AQP11: variants seen among roughly 807,000 people sequenced by gnomAD.
The protein encoded by AQP11 is aquaporin-11.
In AQP11, 20 loss-of-function variants were observed where a neutral mutation model predicts 21.1. That is an observed-to-expected ratio of 0.95 (90% confidence interval 0.67 to 1.38). AQP11 has a LOEUF of 1.38. Ranked by LOEUF, AQP11 falls within the 40% of genes most tolerant of loss-of-function variation. AQP11 has a pLI of 0.00. For synonymous variants in AQP11, 167 were observed against 150.1 expected (o/e 1.11, Z -0.82); for missense variants, 339 against 340.4 (o/e 1.00, Z 0.03).
intron 1 of AQP11, among the ~76,000 whole-genome samples, chr11:77,593,237 T>C (rs1387339733): frequency 6.8e-6 from 1 of 147,782 alleles, no homozygotes; most frequent in Non-Finnish European, 1.5e-5. Flanking sequence ...CTTCCCTTTG[T>C]TTGTTTTCTG....
intron 1 of AQP11, among the ~76,000 whole-genome samples, chr11:77,596,532 ATG>A (rs1265295313): frequency 3.6e-4 from 42 of 115,788 alleles, no homozygotes; most frequent in African/African-American, 1.4e-3. Context: ...GTAAATATAT[ATG>A]TAAATATATA....
Position 77,603,616 on chromosome 11 carries a change from G to A in AQP11, c.680G>A (p.Cys227Tyr), listed in dbSNP as rs1354873470. ...TTGGCACTTTCGCTACATTTCATGT[G>A]TTTTGATGAAGCATTCCCTCAGTTT... is the stretch of plus-strand genomic sequence containing the variant. ...PALALSLHFM[C>Y]FDEAFPQFFI... Residue 227 changes from cysteine (C) to tyrosine (Y), a missense_variant, in exon 2 of 3, where the codon TGT becomes TAT. Coordinates refer to ENST00000313578, the MANE Select transcript of AQP11 (RefSeq NM_173039.3). 1 of 1,609,336 alleles carries A rather than the reference G, an allele frequency of 6.2e-7. No individual in the cohort carries two copies. The highest frequency in any genetic ancestry group is 8.5e-7 in the Non-Finnish European group (1 of 1,178,168).
intron 2 of AQP11, among the ~76,000 whole-genome samples, chr11:77,607,592 A>G (rs1434519001): frequency 6.6e-6 from 1 of 152,108 alleles, no homozygotes. Context: ...AAATTTAGAA[A>G]TGTGACTATA....
intron 1 of AQP11, among the ~76,000 whole-genome samples, chr11:77,592,357 T>C (rs1958754126): frequency 6.6e-6 from 1 of 152,220 alleles, no homozygotes; most frequent in Non-Finnish European, 1.5e-5. Context: ...ATTGAAGTTT[T>C]AGATTTTAGC....
At chr11:77,607,534 G>A (rs1302254253) in intron 2 of AQP11, among the ~76,000 whole-genome samples, 2 of 152,060 alleles carry the variant, frequency 1.3e-5, no homozygotes, top group African/African-American at 4.8e-5. Flanking sequence ...CATCACAGCA[G>A]AGATAATTAT....
chr11:77,596,297 C>G (rs901856614), intron 1 of AQP11, among the ~76,000 whole-genome samples: 1 of 150,242 alleles, frequency 6.7e-6, no homozygotes, highest in Non-Finnish European at 1.5e-5. Flanking sequence ...AAAAATGAGC[C>G]TGGCATGGTG....
At chr11:77,600,189 G>A (rs1011884923) in intron 1 of AQP11, among the ~76,000 whole-genome samples, 7 of 150,374 alleles carry the variant, frequency 4.7e-5, no homozygotes, top group African/African-American at 1.5e-4. Flanking sequence ...GGCTGGTTGC[G>A]AACTCCTGAG....
At chr11:77,596,459 T>TATATATATGTAA (rs60912751) in intron 1 of AQP11, among the ~76,000 whole-genome samples, 14,002 of 128,906 alleles carry the variant, frequency 0.11, 1,001 homozygotes, top group East Asian at 0.15. Flanking sequence ...AAAAAAAATA[T>TATATATATGTAA]ATATATATAT....
intron 1 of AQP11, among the ~76,000 whole-genome samples, chr11:77,593,271 T>C (rs1958759217): frequency 6.6e-6 from 1 of 152,232 alleles, no homozygotes; most frequent in Non-Finnish European, 1.5e-5. Context: ...GATAAGAATA[T>C]TCAGTTGTCA....
At chr11:77,608,220 G>A (rs1958857649) in intron 2 of AQP11, among the ~76,000 whole-genome samples, 1 of 152,178 alleles carries the variant, frequency 6.6e-6, no homozygotes, top group African/African-American at 2.4e-5. Context: ...TTGAGCCCTT[G>A]GCTCACTCTC....
At position 77,601,957 on chromosome 11, in the gene AQP11, C is replaced by T. The variant is rs986057274; in HGVS notation, c.620-1599C>T. 2.0e-5 allele frequency among the ~76,000 whole-genome samples: 3 copies of T among 152,194 alleles called. No individual in the cohort carries two copies. The East Asian group carries it at 5.8e-4, about 29-fold the overall frequency. On this transcript the variant is annotated intron_variant, in intron 1 of 2. Transcript: ENST00000313578. ...AACCTAGAATTCACACAGCATCACT[C>T]CTGTTACATTCAGAATTCCCATAGC...
chr11:77,595,450 G>A (rs1222486457), intron 1 of AQP11, among the ~76,000 whole-genome samples: 1 of 152,150 alleles, frequency 6.6e-6, no homozygotes, highest in Non-Finnish European at 1.5e-5. Flanking sequence ...ATTGTTTTCT[G>A]ACACAATGCC....
intron 2 of AQP11, 136 bp downstream of exon 2, chr11:77,603,808 C>T: frequency 3.3e-6 from 2 of 606,710 alleles, no homozygotes; most frequent in Non-Finnish European, 2.8e-6. Context: ...GCTAACATGC[C>T]TGAAATAATA....
chr11:77,590,636 G>T, intron 1 of AQP11, 25 bp downstream of exon 1: 1 of 1,596,162 alleles, frequency 6.3e-7, no homozygotes, highest in South Asian at 1.1e-5. Flanking sequence ...CCAAATACTT[G>T]GCACTTCCAG....
intron 1 of AQP11, among the ~76,000 whole-genome samples, chr11:77,601,324 G>A (rs1332346797): frequency 1.3e-5 from 2 of 149,836 alleles, no homozygotes; most frequent in African/African-American, 4.9e-5. Flanking sequence ...AACTATTGCT[G>A]TGTAACACAC....
chr11:77,596,806 G>A (rs1958786134), intron 1 of AQP11, among the ~76,000 whole-genome samples: 1 of 151,284 alleles, frequency 6.6e-6, no homozygotes, highest in South Asian at 2.1e-4. Flanking sequence ...GCTGTATTGA[G>A]CCATGATTTC....
rs184573389 is a variant in AQP11 at position 77,609,454 on chromosome 11, A to G, written c.*77A>G. 5.1e-6 allele frequency: 6 copies of G among 1,184,956 alleles called. No homozygotes were observed. Among genetic ancestry groups the G allele is most frequent in the Admixed American group, 4.5e-5 (2 of 44,314 alleles). The allele number at this position is 1,184,956 out of a possible 1,614,324, so 73.4% of individuals were successfully genotyped here. ...AAGATTTTATCACCTCATATGGAAAACACCGGCTGCACTGGATTCATCAGT... is the reference window on the plus strand; with the variant it reads ...AAGATTTTATCACCTCATATGGAAAGCACCGGCTGCACTGGATTCATCAGT... On this transcript the variant is annotated 3_prime_UTR_variant, in exon 3 of 3. Transcript: ENST00000313578.
intron 2 of AQP11, among the ~76,000 whole-genome samples, chr11:77,606,340 A>G (rs1000133664): frequency 1.3e-5 from 2 of 152,178 alleles, no homozygotes; most frequent in African/African-American, 4.8e-5. Flanking sequence ...GCCTCACGAT[A>G]GATAAAAAAG....
intron 1 of AQP11, among the ~76,000 whole-genome samples, chr11:77,595,214 G>A (rs1411132993): frequency 6.6e-6 from 1 of 152,048 alleles, no homozygotes. Context: ...GCTTGCGCAT[G>A]CCTGTAATCC....
Sources: gnomAD v4.1 joint callset for allele counts (sites outside exome capture counted in the v4.1 genomes callset) on GRCh38, gnomAD v4.1.1 for gene constraint, MANE v1.5 for transcripts, NCBI Gene and HGNC (gene_info 2026-07-23, HGNC 2026-07-21) for gene names.